The following BIVM variants were observed in gnomAD, a reference collection of about 807,000 sequenced individuals.
BIVM encodes basic, immunoglobulin-like variable motif containing.
Under a neutral mutation model 61.4 loss-of-function variants are expected in BIVM, and 31 were observed. The ratio of observed to expected loss-of-function variants is 0.51; its 90% CI spans 0.38 to 0.68. The LOEUF is 0.68. Ranked by LOEUF, BIVM falls within the 30% of genes least tolerant of loss-of-function variation. The probability of loss-of-function intolerance (pLI) is 0.00; values close to 1 mark genes in which losing one functional copy is unlikely to be tolerated. For synonymous variants in BIVM, 189 were observed against 210.7 expected, an observed-to-expected ratio of 0.90 and a Z score of 0.89; for missense variants, 526 against 596.0, an observed-to-expected ratio of 0.88 and a Z score of 1.22.
At chr13:102,816,359 A>T in intron 3 of BIVM, 69 bp from the exon 4 acceptor site, 1 of 1,404,514 alleles carries the variant, frequency 7.1e-7, no homozygotes, top group Non-Finnish European at 9.4e-7. Context: ...TTTGGTGCAT[A>T]ATTAATTTTT....
chr13:102,809,526 C>T (rs1239430552), intron 3 of BIVM, among the ~76,000 whole-genome samples: 4 of 152,188 alleles, frequency 2.6e-5, no homozygotes, highest in Non-Finnish European at 4.4e-5. Context: ...AAGTGTCATT[C>T]ACATCTTTTG....
intron 3 of BIVM, among the ~76,000 whole-genome samples, chr13:102,814,054 G>A (rs903849864): frequency 1.3e-5 from 2 of 151,944 alleles, no homozygotes; most frequent in African/African-American, 4.8e-5. Context: ...AAGTCAGTGT[G>A]GTGAATACAT....
chr13:102,822,780 G>A (rs1228505435), intron 7 of BIVM, among the ~76,000 whole-genome samples: 7 of 152,248 alleles, frequency 4.6e-5, no homozygotes, highest in Admixed American at 2.6e-4. Flanking sequence ...TCAGAAAATT[G>A]TAATACATTG....
intron 4 of BIVM, chr13:102,816,758 G>A (rs986328919): frequency 4.3e-5 from 16 of 373,060 alleles, no homozygotes; most frequent in South Asian, 1.0e-4. Flanking sequence ...TCCCAAACTC[G>A]GCTTATTATT....
intron 2 of BIVM, among the ~76,000 whole-genome samples, chr13:102,805,673 C>G (rs916984904): frequency 6.6e-6 from 1 of 152,160 alleles, no homozygotes; most frequent in Non-Finnish European, 1.5e-5. Context: ...CCCCAAACCC[C>G]AAGCCCTAGG....
chr13:102,831,139 T>C (rs77137260), intron 7 of BIVM, among the ~76,000 whole-genome samples: 4,745 of 152,306 alleles, frequency 0.031, 257 homozygotes, highest in African/African-American at 0.11. Context: ...GTATATCTTT[T>C]ATAAAGACAT....
Position 102,840,013 on chromosome 13 carries a change from A to G in BIVM, c.*148A>G. On this transcript the variant is annotated 3_prime_UTR_variant, in exon 11 of 11. Coordinates refer to ENST00000257336, the MANE Select transcript of BIVM (RefSeq NM_017693.4). ...TAACCTTGTAGTTCTCCAGATACTA[A>G]GCTTGTATATGATTATGGTGGGTGA... 1.3e-6 allele frequency: 1 copy of G among 791,374 alleles called. No homozygotes were observed. Among genetic ancestry groups the G allele is most frequent in the East Asian group, 2.6e-5 (1 of 38,516 alleles). The allele number at this position is 791,374 out of a possible 1,614,324, so 49.0% of individuals were successfully genotyped here. A position where few individuals can be genotyped will look rare whatever the true frequency, so the allele number is the denominator to read the frequency against.
rs1416438634 is a variant in BIVM at position 102,802,762 on chromosome 13, TTGA to T, written c.-206-2544_-206-2542del. Reference sequence around the variant, plus strand: ...TCTCTTTCCTTTTTTTTTTTTTTTTTTGAGACAGAGTCTTGCTTTGTTGCCCAG... The same window carrying T: ...TCTCTTTCCTTTTTTTTTTTTTTTTTGACAGAGTCTTGCTTTGTTGCCCAG... On this transcript the variant is annotated intron_variant, in intron 1 of 10. Coordinates refer to ENST00000257336, the MANE Select transcript of BIVM (RefSeq NM_017693.4). Among the ~76,000 whole-genome samples, 857 of 138,134 alleles carry T rather than the reference TTGA, an allele frequency of 6.2e-3. 12 individuals carry two copies. The highest frequency in any genetic ancestry group is 0.023 in the African/African-American group (811 of 34,716). The allele number at this position is 138,134 out of a possible 152,430, so 90.6% of individuals were successfully genotyped here.
chr13:102,808,414 C>T lies in BIVM; in HGVS notation c.478+669C>T, dbSNP rs76867059. 3.5e-3 allele frequency among the ~76,000 whole-genome samples: 531 copies of T among 152,176 alleles called. 22 individuals carry two copies. The East Asian group carries it at 0.085, about 24-fold the overall frequency. ...GCTTAGAAGGGATAAATCTCTAGACCGAAGTTGCAGAGTTAATAAGAGGAG... is the reference window on the plus strand; with the variant it reads ...GCTTAGAAGGGATAAATCTCTAGACTGAAGTTGCAGAGTTAATAAGAGGAG... On this transcript the variant is annotated intron_variant, in intron 3 of 10. Coordinates refer to ENST00000257336, the MANE Select transcript of BIVM (RefSeq NM_017693.4).
At chr13:102,809,215 A>G (rs193201047) in intron 3 of BIVM, among the ~76,000 whole-genome samples, 4 of 152,292 alleles carry the variant, frequency 2.6e-5, no homozygotes, top group Admixed American at 2.6e-4. Context: ...TATGCTTATT[A>G]TTATTACTTA....
At chr13:102,801,797 C>A (rs935021312) in intron 1 of BIVM, 5 of 152,218 alleles carry the variant, frequency 3.3e-5, no homozygotes, top group Admixed American at 3.3e-4. Context: ...CTGGTAAGAC[C>A]TGTGTGAGGA....
chr13:102,831,772 G>C, intron 8 of BIVM, 75 bp downstream of exon 8: 4 of 1,530,802 alleles, frequency 2.6e-6, no homozygotes, highest in Non-Finnish European at 3.5e-6. Flanking sequence ...GCTCACGCCT[G>C]TAATCCTAGC....
chr13:102,831,663 G>A lies in BIVM; in HGVS notation c.1000G>A (p.Glu334Lys). 2 of 1,613,990 alleles carry A rather than the reference G, an allele frequency of 1.2e-6. No individual in the cohort carries two copies. The highest frequency in any genetic ancestry group is 1.7e-6 in the Non-Finnish European group (2 of 1,180,018). ...TCATTATTTTTGTCCAATTGGCTTCGAAGCAACCCCTGTTAAAGCTAATAA... is the reference window on the plus strand; with the variant it reads ...TCATTATTTTTGTCCAATTGGCTTCAAAGCAACCCCTGTTAAAGCTAATAA... The part of the protein sequence containing the change: ...QNHYFCPIGF[E>K]ATPVKANKAF... The change falls in exon 8 of 11, where the codon GAA becomes AAA. Residue 334 changes from glutamate to lysine, a missense_variant. Physicochemically the swap from Glu to Lys is moderately conservative, Grantham distance 56. Coordinates refer to ENST00000257336, the MANE Select transcript of BIVM (RefSeq NM_017693.4).
chr13:102,836,339 G>T (rs554671765), intron 9 of BIVM, among the ~76,000 whole-genome samples: 3 of 152,044 alleles, frequency 2.0e-5, no homozygotes, highest in Non-Finnish European at 4.4e-5. Context: ...TTGAGACAGG[G>T]TCTCTCTCTA....
At chr13:102,801,970 T>G (rs1595324222) in intron 1 of BIVM, among the ~76,000 whole-genome samples, 1 of 150,178 alleles carries the variant, frequency 6.7e-6, no homozygotes. Flanking sequence ...GCTTGGGGGG[T>G]GGGGGAAAGG....
rs748477460 is a variant in BIVM, at chr13:102,821,830, G to C, written c.789G>C (p.Gly263=). ...ATATTAGGTTTGGTCCTTTCACGGG[G>C]AATACAACACTTATGAGGTATGAAG... The part of the protein sequence containing the change: ...FEDIRFGPFT[G]NTTLMRWFRQ... The change falls in exon 6 of 11, where the codon GGG becomes GGC. Residue 263 remains glycine (G), a synonymous_variant. Transcript: ENST00000257336. The C allele has an allele frequency of 3.1e-6, 5 of 1,613,764 alleles. No individual in the cohort carries two copies. Among genetic ancestry groups the C allele is most frequent in the Non-Finnish European group, 4.2e-6 (5 of 1,179,908 alleles).
chr13:102,806,178 TA>T (rs36041680), intron 2 of BIVM, among the ~76,000 whole-genome samples: 54,310 of 152,042 alleles, frequency 0.36, 12,696 homozygotes, highest in African/African-American at 0.66. Context: ...TGTGAGGTGT[TA>T]ATCTCATTGT....
chr13:102,802,474 T>C (rs1404808711), intron 1 of BIVM, among the ~76,000 whole-genome samples: 1 of 152,238 alleles, frequency 6.6e-6, no homozygotes, highest in African/African-American at 2.4e-5. Context: ...TAATATCTTT[T>C]GGTACTTTGC....
At chr13:102,830,115 ACTT>A (rs369930017) in intron 7 of BIVM, among the ~76,000 whole-genome samples, 118 of 152,126 alleles carry the variant, frequency 7.8e-4, no homozygotes, top group African/African-American at 2.7e-3. Flanking sequence ...CTTGAATGCT[ACTT>A]CTTCTTGACT....
Sources: gnomAD v4.1 joint callset for allele counts (sites outside exome capture counted in the v4.1 genomes callset) on GRCh38, gnomAD v4.1.1 for gene constraint, MANE v1.5 for transcripts, NCBI Gene and HGNC (gene_info 2026-07-23, HGNC 2026-07-21) for gene names.